The following MYOM1 variants were observed in gnomAD, a reference collection of about 807,000 sequenced individuals.
The protein encoded by MYOM1 is myomesin-1.
In MYOM1, 164 loss-of-function variants were observed where a neutral mutation model predicts 205.3. That is an observed-to-expected ratio of 0.80 (90% confidence interval 0.70 to 0.91). MYOM1 has a LOEUF of 0.91. MYOM1 is among the 40% of genes least tolerant of loss of function. The pLI is 0.00. For synonymous variants in MYOM1, 772 were observed against 789.4 expected (o/e 0.98, Z 0.37); for missense variants, 2,011 against 2,127.3 (o/e 0.95, Z 1.08).
intron 18 of MYOM1, among the ~76,000 whole-genome samples, chr18:3,127,795 T>C (rs2079817207): frequency 6.6e-6 from 1 of 152,238 alleles, no homozygotes; most frequent in African/African-American, 2.4e-5. Flanking sequence ...GACTTTCTCT[T>C]AGTGTATAAT....
intron 2 of MYOM1, among the ~76,000 whole-genome samples, chr18:3,197,200 G>A (rs189611812): frequency 3.1e-4 from 46 of 149,662 alleles, no homozygotes; most frequent in Admixed American, 1.2e-3. Flanking sequence ...GCAATGGCGC[G>A]ATCTCGGCTC....
intron 13 of MYOM1, among the ~76,000 whole-genome samples, chr18:3,146,632 A>T (rs141039901): frequency 1.4e-4 from 21 of 152,234 alleles, no homozygotes; most frequent in South Asian, 2.1e-4. Context: ...TTGATAAAGG[A>T]TAGCTATACA....
intron 2 of MYOM1, among the ~76,000 whole-genome samples, chr18:3,198,608 A>T (rs1046594958): frequency 6.6e-6 from 1 of 151,930 alleles, no homozygotes; most frequent in African/African-American, 2.4e-5. Flanking sequence ...AGATGGTGAA[A>T]CCCCGTCTCT....
At chr18:3,177,441 A>ATAT (rs1183106243) in intron 5 of MYOM1, among the ~76,000 whole-genome samples, 4 of 117,220 alleles carry the variant, frequency 3.4e-5, no homozygotes, top group African/African-American at 9.9e-5. Flanking sequence ...GTTAGAAGCA[A>ATAT]TATCATTATT....
the MYOM1 span, among the ~76,000 whole-genome samples, chr18:3,244,733 CAA>C: frequency 1.5e-4 from 18 of 118,726 alleles, no homozygotes; most frequent in Admixed American, 2.6e-4. Context: ...TACTAAAATA[CAA>C]AAAAAAAAAA....
chr18:3,190,838 T>C (rs1363568660), intron 3 of MYOM1, among the ~76,000 whole-genome samples: 1 of 152,226 alleles, frequency 6.6e-6, no homozygotes, highest in Non-Finnish European at 1.5e-5. Context: ...AGTGCTAGTC[T>C]TGCCCCAGGC....
At position 3,152,164 on chromosome 18, in the gene MYOM1, T is replaced by C. The variant is rs760816044; in HGVS notation, c.1644-271A>G. Among the ~76,000 whole-genome samples the C allele has an allele frequency of 7.2e-5, 11 of 152,088 alleles. No individual in the cohort carries two copies. Among genetic ancestry groups the C allele is most frequent in the Non-Finnish European group, 1.5e-4 (10 of 68,012 alleles). On this transcript the variant is annotated intron_variant, in intron 11 of 37. Transcript: ENST00000356443. This position sits in a 1 kb window ranked among gnomAD's most constrained non-coding sequence, Gnocchi z 4.3. Reference sequence around the variant, plus strand: ...GGCCTTGTGTAGAAAGCAGAGGGGTTTGGGGGTTGCTGGGATAAGCAGATA... The same window carrying C: ...GGCCTTGTGTAGAAAGCAGAGGGGTCTGGGGGTTGCTGGGATAAGCAGATA...
At chr18:3,149,017 A>G in intron 13 of MYOM1, 128 bp downstream of exon 13, 1 of 752,982 alleles carries the variant, frequency 1.3e-6, no homozygotes, top group Non-Finnish European at 2.3e-6. Flanking sequence ...AGTTATTTAC[A>G]ATCTCCAGAT....
At chr18:3,133,540 G>A (rs1219212738) in intron 16 of MYOM1, among the ~76,000 whole-genome samples, 1 of 152,196 alleles carries the variant, frequency 6.6e-6, no homozygotes, top group East Asian at 1.9e-4. Flanking sequence ...TGTCTGCTTA[G>A]CACTGGGTTT....
rs78331937 is a variant in MYOM1 at position 3,072,350 on chromosome 18, C to CTTTT, written c.4709-465_4709-462dup. On this transcript the variant is annotated intron_variant, in intron 36 of 37. Transcript: ENST00000356443. ...AGCAGGCGTGAGCCACCGCACCCGG[C>CTTTT]TTTTTTTTTTTTTTTTTTTTTGAGG... 3.6e-4 allele frequency among the ~76,000 whole-genome samples: 20 copies of CTTTT among 56,202 alleles called. 1 individual carries two copies. Among genetic ancestry groups the CTTTT allele is most frequent in the African/African-American group, 4.7e-4 (5 of 10,706 alleles). 36.9% of individuals were successfully genotyped at this position (56,202 alleles called of 152,430 possible).
chr18:3,234,351 G>A, the MYOM1 span, among the ~76,000 whole-genome samples: 8 of 152,138 alleles, frequency 5.3e-5, no homozygotes, highest in Non-Finnish European at 1.2e-4. Context: ...ATTGTTCACC[G>A]TACTAGGATG....
chr18:3,102,663 G>A (rs368276154), intron 22 of MYOM1, 33 bp from the exon 23 acceptor site: 19 of 1,590,726 alleles, frequency 1.2e-5, no homozygotes, highest in African/African-American at 2.7e-5. Context: ...CTGATACTTC[G>A]TGGAGGAAAG....
intron 33 of MYOM1, among the ~76,000 whole-genome samples, chr18:3,082,816 C>T (rs1048988853): frequency 8.5e-5 from 13 of 152,200 alleles, no homozygotes; most frequent in African/African-American, 3.1e-4. Flanking sequence ...CCCTGTATAA[C>T]TGCACAGAGG....
intron 25 of MYOM1, among the ~76,000 whole-genome samples, chr18:3,097,808 A>G (rs2079325560): frequency 1.3e-5 from 2 of 152,218 alleles, no homozygotes; most frequent in South Asian, 4.1e-4. Flanking sequence ...CCTCTCTCGT[A>G]GCACCAATAA....
chr18:3,087,945 C>T (rs948299), intron 29 of MYOM1, among the ~76,000 whole-genome samples: 138,237 of 152,250 alleles, frequency 0.91, 62,893 homozygotes, highest in Middle Eastern at 0.96. Context: ...GCCACAGTAA[C>T]GGAACAAAGA....
At chr18:3,114,279 AG>A (rs2143809726) in intron 21 of MYOM1, among the ~76,000 whole-genome samples, 1 of 152,282 alleles carries the variant, frequency 6.6e-6, no homozygotes, top group African/African-American at 2.4e-5. Flanking sequence ...CTGGGGTGAC[AG>A]GGGCACTCTC....
At chr18:3,125,675 T>A (rs1329547924) in intron 19 of MYOM1, among the ~76,000 whole-genome samples, 1 of 152,176 alleles carries the variant, frequency 6.6e-6, no homozygotes, top group Non-Finnish European at 1.5e-5. Flanking sequence ...GCAGCTGTCA[T>A]CCCTGGCCTC....
At chr18:3,087,779 C>T (rs1479458804) in intron 29 of MYOM1, among the ~76,000 whole-genome samples, 7 of 152,108 alleles carry the variant, frequency 4.6e-5, no homozygotes, top group South Asian at 4.1e-4. Context: ...CATGAGCCAC[C>T]GCTCCCTGCC....
chr18:3,190,025 A>G (rs1053313240), intron 3 of MYOM1, among the ~76,000 whole-genome samples: 1 of 152,164 alleles, frequency 6.6e-6, no homozygotes, highest in Non-Finnish European at 1.5e-5. Context: ...TACCTATACT[A>G]TATACTAAGA....
Sources: gnomAD v4.1 joint callset for allele counts (sites outside exome capture counted in the v4.1 genomes callset) on GRCh38, gnomAD v4.1.1 for gene constraint, Gnocchi (gnomAD v3.1) non-coding constraint, MANE v1.5 for transcripts, NCBI Gene and HGNC (gene_info 2026-07-23, HGNC 2026-07-21) for gene names.